Variants in GNAO1 observed in about 807,000 individuals in gnomAD.
GNAO1 encodes the protein G protein subunit alpha o1, also known as guanine nucleotide-binding protein G(o) subunit alpha.
For missense variants in GNAO1, 166 were observed against 478.7 expected (o/e 0.35, Z 6.10); for synonymous variants, 164 against 180.7 (o/e 0.91, Z 0.74).
chr16:56,352,857 CAGAGAGCCCAGGTAGCCTCTGG>C (rs2037937480), intron 7 of GNAO1: 1 of 152,368 alleles, frequency 6.6e-6, no homozygotes, highest in African/African-American at 2.4e-5. Flanking sequence ...CCCAATAGGG[CAGAGAGCCCAGGTAGCCTCTGG>C]AGCCAGACCA....
intron 2 of GNAO1, among the ~76,000 whole-genome samples, chr16:56,208,299 A>G (rs190655587): frequency 6.6e-6 from 1 of 152,198 alleles, no homozygotes; most frequent in Non-Finnish European, 1.5e-5. Context: ...CCTCATTGCT[A>G]TATAGTATTC....
intron 5 of GNAO1, among the ~76,000 whole-genome samples, chr16:56,335,664 G>T (rs1409193397): frequency 6.6e-6 from 1 of 152,178 alleles, no homozygotes; most frequent in Non-Finnish European, 1.5e-5. Context: ...GCAAAACCTT[G>T]GGCAGAGCAG....
At chr16:56,276,649 G>T (rs1471995538) in intron 3 of GNAO1, 1 of 152,770 alleles carries the variant, frequency 6.5e-6, no homozygotes. Flanking sequence ...CTATTAAGTG[G>T]TGAATGGAAT....
At chr16:56,343,897 G>C in intron 6 of GNAO1, 1 of 1,614,168 alleles carries the variant, frequency 6.2e-7, no homozygotes, top group South Asian at 1.1e-5. Context: ...TGTCTTTGAT[G>C]CTGTGACGGA....
intron 2 of GNAO1, among the ~76,000 whole-genome samples, chr16:56,256,042 T>G (rs540116384): frequency 6.6e-6 from 1 of 152,312 alleles, no homozygotes; most frequent in South Asian, 2.1e-4. Flanking sequence ...ACTGGGCTTG[T>G]GCACTGTTCG....
chr16:56,323,447 C>T (rs1263736621), intron 3 of GNAO1, among the ~76,000 whole-genome samples: 2 of 152,128 alleles, frequency 1.3e-5, no homozygotes, highest in Non-Finnish European at 2.9e-5. Context: ...GATCACTATT[C>T]CACTATCCCT....
chr16:56,239,162 C>A (rs2036670552), intron 2 of GNAO1, among the ~76,000 whole-genome samples: 1 of 152,210 alleles, frequency 6.6e-6, no homozygotes, highest in Non-Finnish European at 1.5e-5. Context: ...TAGCCCATCA[C>A]AGGCACTCTG....
At chr16:56,254,681 C>T (rs2036829833) in intron 2 of GNAO1, among the ~76,000 whole-genome samples, 2 of 152,030 alleles carry the variant, frequency 1.3e-5, no homozygotes, top group African/African-American at 4.8e-5. Context: ...GACTGATGTA[C>T]TGGATTTTAT....
At chr16:56,253,650 C>T (rs2036819653) in intron 2 of GNAO1, among the ~76,000 whole-genome samples, 1 of 152,216 alleles carries the variant, frequency 6.6e-6, no homozygotes. Flanking sequence ...CCATGCTGAG[C>T]CCTGTTACCT....
intron 2 of GNAO1, among the ~76,000 whole-genome samples, chr16:56,201,570 C>A (rs1246359317): frequency 6.6e-6 from 1 of 151,948 alleles, no homozygotes; most frequent in Non-Finnish European, 1.5e-5. Flanking sequence ...GGTTGGGAGA[C>A]CAGATGGAAA....
intron 3 of GNAO1, among the ~76,000 whole-genome samples, chr16:56,321,036 C>G (rs538332706): frequency 1.3e-5 from 2 of 152,178 alleles, no homozygotes; most frequent in East Asian, 3.8e-4. Context: ...AAACACCACA[C>G]GGCATGTGGG....
intron 2 of GNAO1, among the ~76,000 whole-genome samples, chr16:56,196,181 C>G (rs1475554101): frequency 5.3e-5 from 8 of 151,982 alleles, no homozygotes. Context: ...TGAGGGAGCT[C>G]TGTGTCAGAC....
intron 2 of GNAO1, among the ~76,000 whole-genome samples, chr16:56,198,800 G>C (rs1276011917): frequency 6.6e-6 from 1 of 152,172 alleles, no homozygotes; most frequent in Non-Finnish European, 1.5e-5. Flanking sequence ...AAGTATGTGG[G>C]ACTTAGCCAC....
At chr16:56,247,192 C>A (rs574711348) in intron 2 of GNAO1, among the ~76,000 whole-genome samples, 1 of 152,346 alleles carries the variant, frequency 6.6e-6, no homozygotes, top group African/African-American at 2.4e-5. Context: ...TGGCGCCGGC[C>A]ATCCAGGCAG....
In GNAO1 at chr16:56,192,507, C is replaced by T. The variant is rs552528169; in HGVS notation, c.119-67C>T. 1.2e-3 allele frequency: 743 copies of T among 599,536 alleles called. 1 individual carries two copies. The highest frequency in any genetic ancestry group is 1.9e-3 in the Non-Finnish European group (611 of 318,174). The allele number at this position is 599,536 out of a possible 1,614,324, so 37.1% of individuals were successfully genotyped here. ...CGCCCACCCCCTCGCATGCCTTAGT[C>T]CCCCCCTCCCCCTGTTCCCTTAAGC... On this transcript the variant is annotated intron_variant, in intron 1 of 8. Transcript: ENST00000262493.
chr16:56,199,869 A>G (rs1427280611), intron 2 of GNAO1, among the ~76,000 whole-genome samples: 1 of 152,244 alleles, frequency 6.6e-6, no homozygotes, highest in African/African-American at 2.4e-5. Flanking sequence ...CATAGCACCA[A>G]AAAATTAAAG....
chr16:56,258,455 T>A (rs2036872973), intron 2 of GNAO1, among the ~76,000 whole-genome samples: 1 of 152,212 alleles, frequency 6.6e-6, no homozygotes, highest in South Asian at 2.1e-4. Context: ...ACGTGAAATG[T>A]TTGGAAAACC....
chr16:56,320,621 G>C (rs576779162), intron 3 of GNAO1, among the ~76,000 whole-genome samples: 1 of 152,336 alleles, frequency 6.6e-6, no homozygotes, highest in South Asian at 2.1e-4. Context: ...CGAAGGGTGT[G>C]GGGTGGCAAG....
intron 4 of GNAO1, among the ~76,000 whole-genome samples, chr16:56,332,412 C>T (rs752284099): frequency 5.9e-5 from 9 of 152,192 alleles, no homozygotes; most frequent in East Asian, 1.9e-4. Flanking sequence ...CCTATCCAGA[C>T]GCCTTCCCCA....
Sources: allele counts gnomAD v4.1 joint callset (sites outside exome capture counted in the v4.1 genomes callset), GRCh38; gene constraint gnomAD v4.1.1; transcripts MANE v1.5; gene names NCBI Gene and HGNC (gene_info 2026-07-23, HGNC 2026-07-21).